The following LSG1 variants were observed in gnomAD, a reference collection of about 807,000 sequenced individuals.
The protein encoded by LSG1 is large 60S subunit nuclear export GTPase 1.
Under a neutral mutation model 82.6 loss-of-function variants are expected in LSG1, and 55 were observed. The ratio of observed to expected loss-of-function variants is 0.67; its 90% CI spans 0.54 to 0.83. The LOEUF is 0.83. Ranked by LOEUF, LSG1 falls within the 40% of genes least tolerant of loss-of-function variation. The pLI is 0.00. For missense variants in LSG1, 809 were observed against 807.9 expected (o/e 1.00, Z -0.02); for synonymous variants, 272 against 282.5 (o/e 0.96, Z 0.37).
chr3:194,668,558 C>G (rs1188814840), intron 2 of LSG1, among the ~76,000 whole-genome samples: 1 of 152,152 alleles, frequency 6.6e-6, no homozygotes, highest in Non-Finnish European at 1.5e-5. Flanking sequence ...TCCATCAAGT[C>G]TGGTTTACTC....
intron 13 of LSG1, among the ~76,000 whole-genome samples, chr3:194,643,689 C>A (rs187876286): frequency 6.6e-6 from 1 of 152,150 alleles, no homozygotes; most frequent in Non-Finnish European, 1.5e-5. Context: ...AGCAACCCCA[C>A]GCCGAGGTAT....
rs1309284582 is a variant in LSG1, at chr3:194,641,767, C to T, written c.*301G>A. ...TAGCTGGGATTACAGGTGCGCGCCA[C>T]CACGCCTGGCTAATTTTTTTGTATT... On this transcript the variant is annotated 3_prime_UTR_variant, in exon 14 of 14. Transcript: ENST00000265245. 3 of 214,052 alleles carry T rather than the reference C, an allele frequency of 1.4e-5. No homozygotes were observed. The highest frequency in any genetic ancestry group is 1.3e-4 in the South Asian group (1 of 7,918). 13.3% of individuals were successfully genotyped at this position (214,052 alleles called of 1,614,324 possible).
chr3:194,660,645 G>T, intron 5 of LSG1: 1 of 309,938 alleles, frequency 3.2e-6, no homozygotes, highest in South Asian at 2.8e-5. Context: ...TTAAACCCAG[G>T]AATAAGAAGG....
chr3:194,644,218 C>T (rs964555681), intron 13 of LSG1, among the ~76,000 whole-genome samples: 4 of 151,616 alleles, frequency 2.6e-5, no homozygotes, highest in Non-Finnish European at 5.9e-5. Context: ...GAAAATTAGC[C>T]GGGCGTGGTG....
In LSG1 at chr3:194,646,137, A is replaced by G. The variant is rs371104218; in HGVS notation, c.1623+27T>C. On this transcript the variant is annotated intron_variant, in intron 12 of 13. Transcript: ENST00000265245. ...AATGTGGAAAAGACTTGTGTATTGGAGAGCATGAGAGGCAGGGTTCACTTA... is the reference window on the plus strand; with the variant it reads ...AATGTGGAAAAGACTTGTGTATTGGGGAGCATGAGAGGCAGGGTTCACTTA... 2.1e-5 allele frequency: 34 copies of G among 1,607,710 alleles called. No homozygotes were observed. In the African/African-American group the frequency reaches 4.5e-4, roughly 21 times the overall value.
chr3:194,662,378 C>A (rs982536491), intron 5 of LSG1, among the ~76,000 whole-genome samples: 6 of 152,246 alleles, frequency 3.9e-5, no homozygotes, highest in African/African-American at 1.4e-4. Flanking sequence ...CAGCATAAGC[C>A]TATGAAGATA....
At chr3:194,655,222 C>A (rs1365051280) in intron 7 of LSG1, among the ~76,000 whole-genome samples, 1 of 152,072 alleles carries the variant, frequency 6.6e-6, no homozygotes, top group East Asian at 1.9e-4. Context: ...CTGGTGAGCC[C>A]TAAAAATAAG....
Position 194,640,966 on chromosome 3 carries a change from A to T in LSG1, c.*1102T>A, listed in dbSNP as rs1238541074. 6.6e-6 allele frequency: 1 copy of T among 152,354 alleles called. No homozygotes were observed. Among genetic ancestry groups the T allele is most frequent in the East Asian group, 1.9e-4 (1 of 5,176 alleles). The allele number at this position is 152,354 out of a possible 1,614,324, so 9.4% of individuals were successfully genotyped here. ...GGGAGACAGAGGGGAGGCACCACAC[A>T]CTTTGAAGCAACCAGATGTGATGAG... On this transcript the variant is annotated 3_prime_UTR_variant, in exon 14 of 14. Coordinates refer to ENST00000265245, the MANE Select transcript of LSG1 (RefSeq NM_018385.3).
chr3:194,643,253 A>C (rs1417008925), intron 13 of LSG1, among the ~76,000 whole-genome samples: 1 of 152,268 alleles, frequency 6.6e-6, no homozygotes, highest in East Asian at 1.9e-4. Flanking sequence ...ACATTTATGA[A>C]GTCTGTTTCT....
Position 194,666,506 on chromosome 3 carries a change from TG to T in LSG1, c.292del (p.Gln98ArgfsTer40). On this transcript the variant is annotated frameshift_variant, in exon 3 of 14. Coordinates refer to ENST00000265245, the MANE Select transcript of LSG1 (RefSeq NM_018385.3). LOFTEE classifies it high-confidence loss of function. Reference sequence around the variant, plus strand: ...TTCTTCATGGAGCTTCTTAATTCTCTGGCTCTCCTCGAAAGACAGTAGTCCA... The same window carrying T: ...TTCTTCATGGAGCTTCTTAATTCTCTGCTCTCCTCGAAAGACAGTAGTCCA... ...RTGLLSFEES[Q>X]RIKKLHEENK... is the part of the protein sequence containing the mutation. 1.2e-6 allele frequency: 2 copies of T among 1,614,020 alleles called. No individual in the cohort carries two copies. The highest frequency in any genetic ancestry group is 1.7e-6 in the Non-Finnish European group (2 of 1,179,900).
At chr3:194,660,695 C>A in intron 5 of LSG1, 1 of 304,848 alleles carries the variant, frequency 3.3e-6, no homozygotes. Context: ...CCACCAATTC[C>A]AACAATGTGT....
At chr3:194,659,182 A>G (rs1560226347) in intron 6 of LSG1, 49 bp from the exon 7 acceptor site, 2 of 1,456,828 alleles carry the variant, frequency 1.4e-6, no homozygotes, top group Admixed American at 3.9e-5. Flanking sequence ...CAAGTAAAAA[A>G]ATGAGGCTAA....
chr3:194,652,798 C>G lies in LSG1; in HGVS notation c.1104G>C (p.Glu368Asp), dbSNP rs201566473. ...GTAGCTCCTTAAAGAGCTCCAGTAA[C>G]TCCTGCTTGGATACCAGATGGCTAA... ...HNFSHLVSKQ[E>D]LLELFKELHT... The change falls in exon 8 of 14, where the codon GAG becomes GAC. Residue 368 changes from glutamate to aspartate, a missense_variant. Coordinates refer to ENST00000265245, the MANE Select transcript of LSG1 (RefSeq NM_018385.3). 80 of 1,614,070 alleles carry G rather than the reference C, an allele frequency of 5.0e-5. No homozygotes were observed. The highest frequency in any genetic ancestry group is 1.0e-5 in the Non-Finnish European group (12 of 1,180,044).
intron 5 of LSG1, 23 bp downstream of exon 5, chr3:194,665,533 AC>A: frequency 6.4e-7 from 1 of 1,564,504 alleles, no homozygotes; most frequent in Non-Finnish European, 8.8e-7. Flanking sequence ...TGTCTTTATT[AC>A]ACAAAAGAAA....
rs116205797 is a variant in LSG1 at position 194,657,882 on chromosome 3, C to T, written c.759+1075G>A. On this transcript the variant is annotated intron_variant, in intron 7 of 13. Transcript: ENST00000265245. ...AAACGAGTTACCTGGTCTCAAGCATCCTGTCGCTTAAAATAGTCAAAGAGA... is the reference window on the plus strand; with the variant it reads ...AAACGAGTTACCTGGTCTCAAGCATTCTGTCGCTTAAAATAGTCAAAGAGA... 4.1e-3 allele frequency among the ~76,000 whole-genome samples: 630 copies of T among 152,214 alleles called. 5 individuals carry two copies. Among genetic ancestry groups the T allele is most frequent in the African/African-American group, 0.013 (535 of 41,522 alleles).
In LSG1 at chr3:194,650,973, T is replaced by G; in HGVS notation, c.1327A>C (p.Met443Leu). ...GCCTTGGTAGACACAAAAGATGGCA[T>G]CACCAAGCCAGGACAGTCACACAGG... is the stretch of plus-strand genomic sequence containing the variant. ...LCLCDCPGLV[M>L]PSFVSTKAEM... Residue 443 changes from methionine to leucine, a missense_variant, in exon 10 of 14, where the codon ATG becomes CTG. Physicochemically the swap from Met to Leu is conservative, Grantham distance 15 (BLOSUM62 2). Coordinates refer to ENST00000265245, the MANE Select transcript of LSG1 (RefSeq NM_018385.3). 6.2e-7 allele frequency: 1 copy of G among 1,614,114 alleles called. No individual in the cohort carries two copies. Among genetic ancestry groups the G allele is most frequent in the Non-Finnish European group, 8.5e-7 (1 of 1,180,014 alleles).
chr3:194,648,614 A>G lies in LSG1; in HGVS notation c.1543+67T>C, dbSNP rs1036899885. ...GAACAGCAATTCTAGTACTATTACT[A>G]TTCTTATTTCTATTCATTAGGTATA... is the stretch of plus-strand genomic sequence containing the variant. On this transcript the variant is annotated intron_variant, in intron 11 of 13. Coordinates refer to ENST00000265245, the MANE Select transcript of LSG1 (RefSeq NM_018385.3). 12 of 1,472,524 alleles carry G rather than the reference A, an allele frequency of 8.1e-6. No homozygotes were observed. In the African/African-American group the frequency reaches 9.8e-5, roughly 12 times the overall value. The allele number at this position is 1,472,524 out of a possible 1,614,324, so 91.2% of individuals were successfully genotyped here. A position where few individuals can be genotyped will look rare whatever the true frequency, so the allele number is the denominator to read the frequency against.
intron 9 of LSG1, 26 bp downstream of exon 9, chr3:194,651,089 C>T (rs765088279): frequency 5.0e-6 from 8 of 1,613,712 alleles, no homozygotes; most frequent in Admixed American, 1.7e-5. Context: ...GAGCTGCATG[C>T]AAGTGGCAAA....
chr3:194,647,821 A>G (rs77958463), intron 11 of LSG1, among the ~76,000 whole-genome samples: 2,150 of 152,300 alleles, frequency 0.014, 47 homozygotes, highest in African/African-American at 0.049. Flanking sequence ...TCTTAAAAGC[A>G]GGGGCTAGGA....
Sources: gnomAD v4.1 joint callset for allele counts (sites outside exome capture counted in the v4.1 genomes callset) on GRCh38, gnomAD v4.1.1 for gene constraint, MANE v1.5 for transcripts, NCBI Gene and HGNC (gene_info 2026-07-23, HGNC 2026-07-21) for gene names.